Variants in NOX4 observed in about 807,000 individuals in gnomAD.
The protein encoded by NOX4 is kidney oxidase-1.
NOX4 carries 69 observed loss-of-function variants against 87.6 expected under a neutral mutation model. The ratio of observed to expected loss-of-function variants is 0.79; its 90% CI spans 0.65 to 0.96. The LOEUF is 0.96. NOX4 is among the 40% of genes least tolerant of loss of function. The probability of loss-of-function intolerance (pLI) is 0.00; values close to 1 mark genes in which losing one functional copy is unlikely to be tolerated. For synonymous variants in NOX4, 275 were observed against 238.2 expected, an observed-to-expected ratio of 1.15 and a Z score of -1.42; for missense variants, 680 against 681.5, an observed-to-expected ratio of 1.00 and a Z score of 0.02.
intron 11 of NOX4, among the ~76,000 whole-genome samples, chr11:89,391,573 T>A (rs572825275): frequency 6.6e-6 from 1 of 151,424 alleles, no homozygotes; most frequent in African/African-American, 2.4e-5. Flanking sequence ...CTGGGCAACA[T>A]AGCGAGGCCC....
In NOX4 at chr11:89,329,490, A is replaced by G. The variant is rs1280337873; in HGVS notation, c.1617-2614T>C. Among the ~76,000 whole-genome samples the G allele has an allele frequency of 5.2e-5, 7 of 134,356 alleles. 1 individual carries two copies. Among genetic ancestry groups the G allele is most frequent in the Admixed American group, 4.5e-4 (6 of 13,482 alleles). 88.1% of individuals were successfully genotyped at this position (134,356 alleles called of 152,430 possible). A position where few individuals can be genotyped will look rare whatever the true frequency, so the allele number is the denominator to read the frequency against. On this transcript the variant is annotated intron_variant, in intron 17 of 17. Transcript: ENST00000263317. ...GACCAAGGGAGAAGAAAAAAAAAAA[A>G]TAAAAGATCTCATTAAATCTCAAGG...
At chr11:89,341,404 T>G (rs1417036759) in intron 14 of NOX4, among the ~76,000 whole-genome samples, 1 of 152,112 alleles carries the variant, frequency 6.6e-6, no homozygotes. Context: ...ATTACAGGTG[T>G]GAGCCAATGT....
chr11:89,386,067 C>A (rs1166283409), intron 11 of NOX4, among the ~76,000 whole-genome samples: 1 of 152,246 alleles, frequency 6.6e-6, no homozygotes, highest in East Asian at 1.9e-4. Context: ...AAACACAAAT[C>A]ATCAAGCTCA....
the NOX4 span, among the ~76,000 whole-genome samples, chr11:89,503,865 T>C: frequency 1.4e-5 from 2 of 145,888 alleles, no homozygotes; most frequent in African/African-American, 2.6e-5. Context: ...TTAGACATCA[T>C]ACTAGATCAA....
the NOX4 span, among the ~76,000 whole-genome samples, chr11:89,575,703 T>C: frequency 6.6e-6 from 1 of 152,260 alleles, no homozygotes; most frequent in African/African-American, 2.4e-5. Context: ...TTTCTCCATT[T>C]CAACCTTCCT....
the NOX4 span, among the ~76,000 whole-genome samples, chr11:89,510,376 A>G: frequency 6.6e-6 from 1 of 152,098 alleles, no homozygotes; most frequent in Non-Finnish European, 1.5e-5. Flanking sequence ...CTAGGCAAAA[A>G]TATGAAACTT....
At chr11:89,576,957 A>T in the NOX4 span, 1 of 152,158 alleles carries the variant, frequency 6.6e-6, no homozygotes. Flanking sequence ...GAGACCCAAT[A>T]CTATGCCATT....
At chr11:89,366,973 T>C (rs1184896235) in intron 12 of NOX4, among the ~76,000 whole-genome samples, 1 of 152,256 alleles carries the variant, frequency 6.6e-6, no homozygotes, top group South Asian at 2.1e-4. Flanking sequence ...GGCACTTAAA[T>C]TGTAGTACAC....
intron 12 of NOX4, among the ~76,000 whole-genome samples, chr11:89,371,337 G>C (rs1028435373): frequency 1.3e-5 from 2 of 151,916 alleles, no homozygotes; most frequent in African/African-American, 4.8e-5. Context: ...ACTCTGAATA[G>C]AATGATCTTG....
At chr11:89,403,664 C>T (rs979822862) in intron 8 of NOX4, among the ~76,000 whole-genome samples, 1 of 152,052 alleles carries the variant, frequency 6.6e-6, no homozygotes, top group African/African-American at 2.4e-5. Flanking sequence ...ATTGCTTGAA[C>T]CCGGGAGGCG....
At chr11:89,327,402 G>A (rs1295707440) in intron 17 of NOX4, among the ~76,000 whole-genome samples, 2 of 152,112 alleles carry the variant, frequency 1.3e-5, no homozygotes, top group African/African-American at 4.8e-5. Context: ...ATTTTAAGTG[G>A]CTAATTTATA....
the NOX4 span, among the ~76,000 whole-genome samples, chr11:89,508,167 T>C: frequency 1.3e-5 from 2 of 152,070 alleles, no homozygotes; most frequent in Admixed American, 1.3e-4. Context: ...AATCTTAATA[T>C]CATACTGGTT....
intron 2 of NOX4, among the ~76,000 whole-genome samples, chr11:89,455,133 A>C (rs1011268597): frequency 6.6e-6 from 1 of 152,122 alleles, no homozygotes; most frequent in Admixed American, 6.6e-5. Flanking sequence ...TTCATCTTCC[A>C]TCAAGCATGA....
chr11:89,547,224 G>C, the NOX4 span, among the ~76,000 whole-genome samples: 1 of 151,940 alleles, frequency 6.6e-6, no homozygotes, highest in African/African-American at 2.4e-5. Context: ...TATTGCCATA[G>C]AATCACATGG....
At chr11:89,575,993 T>C in the NOX4 span, among the ~76,000 whole-genome samples, 4 of 152,330 alleles carry the variant, frequency 2.6e-5, no homozygotes, top group Non-Finnish European at 5.9e-5. Context: ...ATGCTCCATG[T>C]TGCTAACAAG....
intron 14 of NOX4, among the ~76,000 whole-genome samples, chr11:89,340,913 T>C (rs1590963756): frequency 6.6e-6 from 1 of 152,124 alleles, no homozygotes; most frequent in Non-Finnish European, 1.5e-5. Context: ...TATTTAAAAC[T>C]GAAATAAAAT....
chr11:89,527,316 T>A, the NOX4 span, among the ~76,000 whole-genome samples: 1 of 152,110 alleles, frequency 6.6e-6, no homozygotes, highest in Non-Finnish European at 1.5e-5. Flanking sequence ...GTTCAGAAAA[T>A]TTGCCACCTA....
chr11:89,324,375 T>G lies in NOX4; in HGVS notation c.*2381A>C, dbSNP rs1257344950. On this transcript the variant is annotated 3_prime_UTR_variant, in exon 18 of 18. Transcript: ENST00000263317. ...CCATTTCAATTTTAACATTTATTGCTACTAAAATTAGTGATTTAAGGCTTG... is the reference window on the plus strand; with the variant it reads ...CCATTTCAATTTTAACATTTATTGCGACTAAAATTAGTGATTTAAGGCTTG... 6.6e-6 allele frequency: 1 copy of G among 152,218 alleles called. No individual in the cohort carries two copies. The highest frequency in any genetic ancestry group is 1.5e-5 in the Non-Finnish European group (1 of 68,042). The allele number at this position is 152,218 out of a possible 1,614,324, so 9.4% of individuals were successfully genotyped here.
At chr11:89,452,146 ACT>A (rs1944989505) in intron 2 of NOX4, among the ~76,000 whole-genome samples, 1 of 152,120 alleles carries the variant, frequency 6.6e-6, no homozygotes. Flanking sequence ...ACCTGAAAAC[ACT>A]GTTTCCAAAG....
Sources: allele counts gnomAD v4.1 joint callset (sites outside exome capture counted in the v4.1 genomes callset), GRCh38; gene constraint gnomAD v4.1.1; transcripts MANE v1.5; gene names NCBI Gene and HGNC (gene_info 2026-07-23, HGNC 2026-07-21).